The following TTC28 variants were observed in gnomAD, a reference collection of about 807,000 sequenced individuals.
The protein encoded by TTC28 is tetratricopeptide repeat protein 28.
In TTC28, 61 loss-of-function variants were observed where a neutral mutation model predicts 198.0. The observed-to-expected ratio is 0.31, with a 90% CI of 0.25 to 0.38. The LOEUF (loss-of-function observed/expected upper bound fraction) is 0.38. TTC28 is among the 10% of genes least tolerant of loss of function. The pLI, the probability that TTC28 is intolerant of heterozygous loss-of-function variation, is 1.00. For synonymous variants in TTC28, 1,171 were observed against 1,297.8 expected (o/e 0.90, Z 2.10); for missense variants, 2,678 against 3,164.0 (o/e 0.85, Z 3.69).
At chr22:28,522,524 G>A (rs2048928530) in intron 2 of TTC28, among the ~76,000 whole-genome samples, 1 of 149,440 alleles carries the variant, frequency 6.7e-6, no homozygotes. Flanking sequence ...AGAAAATACT[G>A]AGAGAAAGAC....
At chr22:28,283,247 T>G (rs1167675830) in intron 5 of TTC28, among the ~76,000 whole-genome samples, 1 of 152,132 alleles carries the variant, frequency 6.6e-6, no homozygotes, top group African/African-American at 2.4e-5. Flanking sequence ...TGCTAAAATG[T>G]AATGCTTTTT....
chr22:28,567,077 T>A (rs927812230), intron 2 of TTC28, among the ~76,000 whole-genome samples: 1 of 152,014 alleles, frequency 6.6e-6, no homozygotes, highest in African/African-American at 2.4e-5. Flanking sequence ...TAGCCGGGCA[T>A]GGTGGCGGAC....
chr22:28,197,596 T>G lies in TTC28; in HGVS notation c.934-33997A>C, dbSNP rs184233874. 1.1e-3 allele frequency among the ~76,000 whole-genome samples: 169 copies of G among 152,192 alleles called. 3 individuals carry two copies. The highest frequency in any genetic ancestry group is 3.7e-3 in the African/African-American group (154 of 41,526). On this transcript the variant is annotated intron_variant, in intron 5 of 22. Coordinates refer to ENST00000397906, the MANE Select transcript of TTC28 (RefSeq NM_001145418.2). ...AATCACAAAGAATAAAATAAAATGA[T>G]ATGACTAAATAAAACTTTTAAATTT... is the stretch of plus-strand genomic sequence containing the variant.
intron 2 of TTC28, among the ~76,000 whole-genome samples, chr22:28,506,820 AAAG>A (rs1351393349): frequency 6.6e-6 from 1 of 152,270 alleles, no homozygotes. Context: ...CAGCAGCCCT[AAAG>A]AAGAGTGGTC....
At chr22:28,441,889 A>T (rs1433921303) in intron 2 of TTC28, among the ~76,000 whole-genome samples, 4 of 119,720 alleles carry the variant, frequency 3.3e-5, no homozygotes, top group East Asian at 2.1e-4. Context: ...TTGAAGTTTA[A>T]AAAAAAAAAA....
intron 2 of TTC28, among the ~76,000 whole-genome samples, chr22:28,364,351 C>G (rs538322247): frequency 2.0e-5 from 3 of 152,198 alleles, no homozygotes. Flanking sequence ...TCCCCAGCCA[C>G]GTGGAACTGC....
chr22:27,980,380 T>A lies in TTC28; in HGVS notation c.*1841A>T, dbSNP rs1390432529. On this transcript the variant is annotated 3_prime_UTR_variant, in exon 23 of 23. Transcript: ENST00000397906. Reference sequence around the variant, plus strand: ...TTCAGTGTTGGGATCAGGGCTAGAATAAGACATGCTTATTGTTGGCTTTTG... The same window carrying A: ...TTCAGTGTTGGGATCAGGGCTAGAAAAAGACATGCTTATTGTTGGCTTTTG... 2.6e-5 allele frequency: 4 copies of A among 152,260 alleles called. No homozygotes were observed. The highest frequency in any genetic ancestry group is 2.6e-4 in the Admixed American group (4 of 15,282). 9.4% of individuals were successfully genotyped at this position (152,260 alleles called of 1,614,324 possible).
intron 5 of TTC28, among the ~76,000 whole-genome samples, chr22:28,248,546 A>T (rs562621560): frequency 2.7e-4 from 41 of 152,078 alleles, no homozygotes; most frequent in Non-Finnish European, 5.9e-5. Context: ...TTTTTTTTCC[A>T]GTTCAATAGT....
intron 6 of TTC28, among the ~76,000 whole-genome samples, chr22:28,153,867 C>CTAATAA (rs1943676453): frequency 6.6e-6 from 1 of 152,112 alleles, no homozygotes; most frequent in Non-Finnish European, 1.5e-5. Context: ...GACCTCAGGC[C>CTAATAA]TTGGTGGGAA....
At chr22:28,364,674 A>G in intron 2 of TTC28, among the ~76,000 whole-genome samples, 1 of 152,198 alleles carries the variant, frequency 6.6e-6, no homozygotes, top group East Asian at 1.9e-4. Context: ...TGAGGGGCTC[A>G]AGACTTCAGC....
At chr22:28,012,332 G>C (rs1003249174) in intron 14 of TTC28, among the ~76,000 whole-genome samples, 1 of 152,174 alleles carries the variant, frequency 6.6e-6, no homozygotes, top group Non-Finnish European at 1.5e-5. Flanking sequence ...AACCGAGCAC[G>C]TGCAAGGACT....
At chr22:28,670,193 T>C (rs1359241172) in intron 1 of TTC28, among the ~76,000 whole-genome samples, 2 of 151,992 alleles carry the variant, frequency 1.3e-5, no homozygotes, top group Non-Finnish European at 2.9e-5. Context: ...TCTAATGAAA[T>C]ACATTTCACA....
intron 2 of TTC28, among the ~76,000 whole-genome samples, chr22:28,587,983 T>C (rs959267640): frequency 6.7e-6 from 1 of 150,356 alleles, no homozygotes; most frequent in African/African-American, 2.4e-5. Flanking sequence ...CTAATAAAAG[T>C]AGAAAAAAAT....
intron 2 of TTC28, among the ~76,000 whole-genome samples, chr22:28,424,159 A>C (rs535082811): frequency 6.6e-6 from 1 of 152,294 alleles, no homozygotes; most frequent in East Asian, 1.9e-4. Context: ...AGGGTATACA[A>C]CTTGATGTTT....
At chr22:28,435,327 T>C (rs567130617) in intron 2 of TTC28, among the ~76,000 whole-genome samples, 3 of 152,212 alleles carry the variant, frequency 2.0e-5, no homozygotes, top group African/African-American at 7.2e-5. Context: ...AGAACTCCTC[T>C]TAGCTAGAAG....
At chr22:28,374,848 AT>A (rs554465781) in intron 2 of TTC28, among the ~76,000 whole-genome samples, 4 of 149,362 alleles carry the variant, frequency 2.7e-5, no homozygotes, top group Non-Finnish European at 4.5e-5. Context: ...TGCTCAGCTA[AT>A]TTTTTTTTTA....
intron 2 of TTC28, among the ~76,000 whole-genome samples, chr22:28,387,142 T>C (rs1484960990): frequency 4.6e-5 from 7 of 152,304 alleles, no homozygotes; most frequent in East Asian, 1.9e-4. Context: ...TGGTTTCCAG[T>C]TTCATCCATG....
intron 2 of TTC28, among the ~76,000 whole-genome samples, chr22:28,513,498 G>A (rs1038935159): frequency 2.0e-5 from 3 of 152,152 alleles, no homozygotes; most frequent in Non-Finnish European, 4.4e-5. Flanking sequence ...CCAGCACTTG[G>A]AAGGCTGAGG....
At chr22:27,992,802 T>G in intron 18 of TTC28, 139 bp from the exon 19 acceptor site, 1 of 791,242 alleles carries the variant, frequency 1.3e-6, no homozygotes, top group South Asian at 1.8e-5. Context: ...GACATGTGTG[T>G]CTGTGTGTGC....
Sources: allele counts gnomAD v4.1 joint callset (sites outside exome capture counted in the v4.1 genomes callset), GRCh38; gene constraint gnomAD v4.1.1; transcripts MANE v1.5; gene names NCBI Gene and HGNC (gene_info 2026-07-23, HGNC 2026-07-21).